Variants in SVIL observed in about 807,000 individuals in gnomAD.
SVIL encodes the protein archvillin.
SVIL carries 101 observed loss-of-function variants against 240.4 expected under a neutral mutation model. The observed-to-expected ratio is 0.42, with a 90% CI of 0.36 to 0.50. The LOEUF is 0.50. SVIL is among the 20% of genes least tolerant of loss of function. SVIL has a pLI of 0.01. For missense variants in SVIL, 2,512 were observed against 2,818.7 expected (o/e 0.89, Z 2.46); for synonymous variants, 999 against 1,100.0 (o/e 0.91, Z 1.82).
intron 16 of SVIL, among the ~76,000 whole-genome samples, chr10:29,518,368 A>G (rs1950349483): frequency 6.6e-6 from 1 of 152,188 alleles, no homozygotes; most frequent in Non-Finnish European, 1.5e-5. Context: ...AGCGTGGGCT[A>G]CAGAGTGAGA....
intron 2 of SVIL, among the ~76,000 whole-genome samples, chr10:29,685,588 T>C (rs888434194): frequency 6.6e-6 from 1 of 152,250 alleles, no homozygotes; most frequent in Non-Finnish European, 1.5e-5. Flanking sequence ...TCTGTTATTT[T>C]CTGACTTTTT....
At chr10:29,595,939 C>T (rs1956568593) in intron 1 of SVIL, among the ~76,000 whole-genome samples, 1 of 152,216 alleles carries the variant, frequency 6.6e-6, no homozygotes, top group African/African-American at 2.4e-5. Context: ...TAGGACAGCT[C>T]GCTGTTTCTG....
chr10:29,696,881 G>T (rs1167756383), intron 1 of SVIL, among the ~76,000 whole-genome samples: 12 of 143,126 alleles, frequency 8.4e-5, no homozygotes, highest in Admixed American at 2.8e-4. Context: ...GCCTCTGCCC[G>T]GCCGCCCCTA....
chr10:29,484,889 A>C lies in SVIL; in HGVS notation c.4780-58T>G, dbSNP rs552655524. 19 of 1,509,502 alleles carry C rather than the reference A, an allele frequency of 1.3e-5. No individual in the cohort carries two copies. In the South Asian group the frequency reaches 2.4e-4, roughly 19 times the overall value. The allele number at this position is 1,509,502 out of a possible 1,614,324, so 93.5% of individuals were successfully genotyped here. On this transcript the variant is annotated intron_variant, in intron 26 of 37. Transcript: ENST00000355867. The surrounding 1 kb of genome is among the most constrained non-coding windows in gnomAD (Gnocchi z 4.7). Reference sequence around the variant, plus strand: ...TTCAAGAACATGCAACAGTTGAATCAGGTGCAACAGGGTCTCTTGTTGACA... The same window carrying C: ...TTCAAGAACATGCAACAGTTGAATCCGGTGCAACAGGGTCTCTTGTTGACA...
chr10:29,604,121 G>A (rs932236648), intron 1 of SVIL, among the ~76,000 whole-genome samples: 1 of 152,022 alleles, frequency 6.6e-6, no homozygotes, highest in African/African-American at 2.4e-5. Context: ...GATATTTTGA[G>A]AGAAAGAGAG....
At chr10:29,543,645 G>A (rs762223776) in intron 6 of SVIL, among the ~76,000 whole-genome samples, 1 of 151,562 alleles carries the variant, frequency 6.6e-6, no homozygotes, top group African/African-American at 2.4e-5. Context: ...CTGTTCTCTC[G>A]CACTCTCTCC....
chr10:29,553,118 C>T (rs944724430), intron 5 of SVIL, among the ~76,000 whole-genome samples: 23 of 135,548 alleles, frequency 1.7e-4, no homozygotes, highest in Non-Finnish European at 2.8e-4. Flanking sequence ...CAAGCCCAGC[C>T]TTTTTTTTTT....
intron 1 of SVIL, among the ~76,000 whole-genome samples, chr10:29,714,825 T>A (rs1564354294): frequency 1.3e-5 from 2 of 151,136 alleles, no homozygotes; most frequent in Non-Finnish European, 2.9e-5. Flanking sequence ...CTGGGCATGG[T>A]GGCACACAGC....
At chr10:29,524,778 T>G in intron 13 of SVIL, 63 bp from the exon 14 acceptor site, 1 of 1,591,444 alleles carries the variant, frequency 6.3e-7, no homozygotes, top group Non-Finnish European at 8.6e-7. Flanking sequence ...GCTAAGTTTC[T>G]ACGTTAACTT....
chr10:29,547,222 C>G (rs4747665), intron 6 of SVIL, among the ~76,000 whole-genome samples: 63,269 of 151,718 alleles, frequency 0.42, 13,215 homozygotes, highest in East Asian at 0.43. Flanking sequence ...ATCTTTACAA[C>G]CTGAATCACT....
At chr10:29,471,596 A>G (rs1414233420) in intron 30 of SVIL, among the ~76,000 whole-genome samples, 1 of 152,252 alleles carries the variant, frequency 6.6e-6, no homozygotes, top group Non-Finnish European at 1.5e-5. Flanking sequence ...AGACTGATAT[A>G]AATACATTCT....
At chr10:29,702,068 G>A (rs976265416) in intron 1 of SVIL, among the ~76,000 whole-genome samples, 3 of 151,172 alleles carry the variant, frequency 2.0e-5, no homozygotes, top group Admixed American at 6.6e-5. Flanking sequence ...CCAGGTACTC[G>A]GGAGGCTGAG....
At chr10:29,637,568 C>T (rs1958353025), upstream of SVIL, among the ~76,000 whole-genome samples, 2 of 152,198 alleles carry the variant, frequency 1.3e-5, no homozygotes, top group African/African-American at 4.8e-5. Context: ...ATCAAGACAA[C>T]ACAGCATTGG....
chr10:29,554,973 G>A (rs781578634), intron 4 of SVIL, 39 bp from the exon 5 acceptor site: 7 of 1,609,198 alleles, frequency 4.3e-6, no homozygotes, highest in African/African-American at 1.3e-5. Flanking sequence ...GAGCAACAGC[G>A]ATCGAATCTA....
rs34960285 is a variant in SVIL, at chr10:29,560,843, CTT to C, written c.-51+2356_-51+2357del. Among the ~76,000 whole-genome samples the C allele has an allele frequency of 7.4e-3, 1,081 of 145,252 alleles. 4 individuals are homozygous for C. Among genetic ancestry groups the C allele is most frequent in the Non-Finnish European group, 0.012 (820 of 66,096 alleles). The stretch of plus-strand genomic sequence containing the variant: ...ATTCAGGGGACATGGGGCACTGGCA[CTT>C]TTTTTTTTTTTTAGACAGAGTCTCG... On this transcript the variant is annotated intron_variant, in intron 3 of 37. Coordinates refer to ENST00000355867, the MANE Select transcript of SVIL (RefSeq NM_021738.3).
chr10:29,526,594 C>T (rs1055198900), intron 13 of SVIL, among the ~76,000 whole-genome samples: 47 of 152,218 alleles, frequency 3.1e-4, no homozygotes, highest in African/African-American at 7.7e-4. Flanking sequence ...TGAGCCACCG[C>T]GCCTGGCCAA....
At chr10:29,624,331 A>G (rs1456586447) in intron 1 of SVIL, among the ~76,000 whole-genome samples, 1 of 152,134 alleles carries the variant, frequency 6.6e-6, no homozygotes, top group Non-Finnish European at 1.5e-5. Flanking sequence ...TGAGGTCAGG[A>G]GTTCAAGACC....
chr10:29,736,402 A>G (rs1355023556), upstream of SVIL, among the ~76,000 whole-genome samples: 8 of 152,186 alleles, frequency 5.3e-5, no homozygotes, highest in Non-Finnish European at 1.2e-4. Context: ...TGCTTGGGCT[A>G]GCCCCCGCTG....
At chr10:29,661,120 T>C (rs905032252) in intron 2 of SVIL, among the ~76,000 whole-genome samples, 6 of 150,404 alleles carry the variant, frequency 4.0e-5, no homozygotes, top group South Asian at 2.1e-4. Flanking sequence ...TGAGCCGAGA[T>C]TGCGCCACTG....
Sources: gnomAD v4.1 joint callset for allele counts (sites outside exome capture counted in the v4.1 genomes callset) on GRCh38, gnomAD v4.1.1 for gene constraint, Gnocchi (gnomAD v3.1) non-coding constraint, MANE v1.5 for transcripts, NCBI Gene and HGNC (gene_info 2026-07-23, HGNC 2026-07-21) for gene names.